GYPC: variants seen among roughly 807,000 people sequenced by gnomAD.
The protein encoded by GYPC is glycophorin-C.
GYPC carries 14 observed loss-of-function variants against 12.6 expected under a neutral mutation model. The observed-to-expected ratio is 1.11, with a 90% CI of 0.74 to 1.74. The LOEUF (loss-of-function observed/expected upper bound fraction) is 1.74. Ranked by LOEUF, GYPC falls within the 40% of genes most tolerant of loss-of-function variation. The probability of loss-of-function intolerance (pLI) is 0.00; values close to 1 mark genes in which losing one functional copy is unlikely to be tolerated. For synonymous variants in GYPC, 78 were observed against 62.1 expected, an observed-to-expected ratio of 1.26 and a Z score of -1.20; for missense variants, 225 against 172.1, an observed-to-expected ratio of 1.31 and a Z score of -1.72.
intron 1 of GYPC, among the ~76,000 whole-genome samples, chr2:126,663,013 C>T (rs938694069): frequency 6.6e-6 from 1 of 152,058 alleles, no homozygotes; most frequent in East Asian, 1.9e-4. Flanking sequence ...CTCTCGCTCC[C>T]GATGCTGCTC....
chr2:126,674,456 G>C (rs956369521), intron 1 of GYPC, among the ~76,000 whole-genome samples: 44 of 63,542 alleles, frequency 6.9e-4, no homozygotes, highest in South Asian at 3.7e-3. Flanking sequence ...GGAAACAAGT[G>C]GGGGGGGAAT....
intron 1 of GYPC, among the ~76,000 whole-genome samples, chr2:126,688,636 C>A (rs371591673): frequency 5.9e-5 from 9 of 152,126 alleles, no homozygotes; most frequent in Admixed American, 2.6e-4. Flanking sequence ...GGTCTCTTGG[C>A]GGCCTCAGTG....
At chr2:126,677,722 G>T (rs1378861362) in intron 1 of GYPC, among the ~76,000 whole-genome samples, 1 of 152,080 alleles carries the variant, frequency 6.6e-6, no homozygotes, top group African/African-American at 2.4e-5. Flanking sequence ...AGCACACGAG[G>T]GTCCGGGAGG....
chr2:126,688,636 C>T (rs371591673), intron 1 of GYPC, among the ~76,000 whole-genome samples: 3 of 152,244 alleles, frequency 2.0e-5, no homozygotes, highest in Admixed American at 6.5e-5. Flanking sequence ...GGTCTCTTGG[C>T]GGCCTCAGTG....
At position 126,696,020 on chromosome 2, in the gene GYPC, G is replaced by A. The variant is rs1189924513; in HGVS notation, c.265G>A (p.Gly89Ser). 6.2e-7 allele frequency: 1 copy of A among 1,614,088 alleles called. No homozygotes were observed. Among genetic ancestry groups the A allele is most frequent in the Admixed American group, 1.7e-5 (1 of 60,026 alleles). The change falls in exon 4 of 4, where the codon GGC (glycine) becomes AGC (serine). Residue 89 changes from glycine (G) to serine (S), a missense_variant. Coordinates refer to ENST00000259254, the MANE Select transcript of GYPC (RefSeq NM_002101.5). ...VMLRYMYRHK[G>S]TYHTNEAKGT... Reference sequence around the variant, plus strand: ...GCTGCGCTACATGTACCGGCACAAGGGCACGTACCACACCAATGAGGCCAA... The same window carrying A: ...GCTGCGCTACATGTACCGGCACAAGAGCACGTACCACACCAATGAGGCCAA...
intron 2 of GYPC, among the ~76,000 whole-genome samples, chr2:126,693,078 T>C (rs1390772261): frequency 6.6e-6 from 1 of 152,184 alleles, no homozygotes; most frequent in Non-Finnish European, 1.5e-5. Flanking sequence ...AAGCTCATGT[T>C]GAAATCTGAT....
intron 1 of GYPC, chr2:126,680,524 G>A (rs1246975007): frequency 6.6e-6 from 1 of 152,240 alleles, no homozygotes; most frequent in Non-Finnish European, 1.5e-5. Context: ...AACTCAGGGA[G>A]CTCGAGAAGC....
At chr2:126,665,934 C>G (rs934880178) in intron 1 of GYPC, among the ~76,000 whole-genome samples, 1 of 152,210 alleles carries the variant, frequency 6.6e-6, no homozygotes, top group Non-Finnish European at 1.5e-5. Context: ...TCCTCCAGCT[C>G]TGGGACTCTG....
At chr2:126,673,333 A>G (rs1438357726) in intron 1 of GYPC, among the ~76,000 whole-genome samples, 1 of 152,134 alleles carries the variant, frequency 6.6e-6, no homozygotes, top group Non-Finnish European at 1.5e-5. Context: ...GCTCATGCAC[A>G]CCAAAACACA....
chr2:126,675,776 T>G (rs1404032474), intron 1 of GYPC: 4 of 582,964 alleles, frequency 6.9e-6, no homozygotes, highest in East Asian at 1.4e-4. Context: ...ATTAGTGATA[T>G]TCACCGTAGT....
rs67904410 is a variant in GYPC, at chr2:126,666,708, TACACACACACACACACAC to T, written c.49+10428_49+10445del. Among the ~76,000 whole-genome samples the T allele has an allele frequency of 3.4e-3, 400 of 118,538 alleles. 4 individuals carry two copies. Among genetic ancestry groups the T allele is most frequent in the South Asian group, 9.0e-3 (27 of 3,006 alleles). 77.8% of individuals were successfully genotyped at this position (118,538 alleles called of 152,430 possible). On this transcript the variant is annotated intron_variant, in intron 1 of 3. Coordinates refer to ENST00000259254, the MANE Select transcript of GYPC (RefSeq NM_002101.5). Reference sequence around the variant, plus strand: ...CTCCTGCCCCCCTCCCCTCCCTCCCTACACACACACACACACACACACACACACACACACACACACACA... The same window carrying T: ...CTCCTGCCCCCCTCCCCTCCCTCCCTACACACACACACACACACACACACA...
intron 3 of GYPC, 63 bp from the exon 4 acceptor site, chr2:126,695,883 C>T: frequency 7.5e-7 from 1 of 1,336,152 alleles, no homozygotes; most frequent in East Asian, 2.3e-5. Context: ...TGGGTCTTGA[C>T]CACCATCCCA....
intron 2 of GYPC, among the ~76,000 whole-genome samples, chr2:126,692,165 G>A (rs118129566): frequency 9.9e-5 from 15 of 152,210 alleles, no homozygotes; most frequent in East Asian, 3.9e-4. Flanking sequence ...GAGAAACACC[G>A]TGAATGCTGG....
chr2:126,669,374 G>A (rs1293321480), intron 1 of GYPC, among the ~76,000 whole-genome samples: 1 of 152,152 alleles, frequency 6.6e-6, no homozygotes. Flanking sequence ...TCAGGGCTGT[G>A]ATTCAAGCCC....
intron 1 of GYPC, chr2:126,686,713 A>T (rs1418900226): frequency 2.0e-6 from 2 of 984,780 alleles, no homozygotes; most frequent in Admixed American, 6.2e-5. Flanking sequence ...AAAAAGTAGG[A>T]TGCTTGGGTC....
chr2:126,669,775 T>C (rs1383467265), intron 1 of GYPC, among the ~76,000 whole-genome samples: 1 of 152,108 alleles, frequency 6.6e-6, no homozygotes, highest in Non-Finnish European at 1.5e-5. Context: ...TGAGCTAGTG[T>C]TTCCCGCTCA....
chr2:126,682,541 G>T (rs1683178028), intron 1 of GYPC, among the ~76,000 whole-genome samples: 1 of 152,144 alleles, frequency 6.6e-6, no homozygotes. Flanking sequence ...CTCTCAGATG[G>T]TATCTCCCGC....
Position 126,696,223 on chromosome 2 carries a change from G to A in GYPC, c.*81G>A, listed in dbSNP as rs1683641403. The stretch of plus-strand genomic sequence containing the variant: ...CACCCCATCGCCCAGCACCCCTGCT[G>A]ATACCACCAGACAGAGAGAGAGAGC... On this transcript the variant is annotated 3_prime_UTR_variant, in exon 4 of 4. Transcript: ENST00000259254. 1 of 974,754 alleles carries A rather than the reference G, an allele frequency of 1.0e-6. No individual in the cohort carries two copies. Among genetic ancestry groups the A allele is most frequent in the Non-Finnish European group, 1.6e-6 (1 of 617,702 alleles). 60.4% of individuals were successfully genotyped at this position (974,754 alleles called of 1,614,324 possible). A position where few individuals can be genotyped will look rare whatever the true frequency, so the allele number is the denominator to read the frequency against.
chr2:126,689,728 G>A (rs1170676191), intron 1 of GYPC, among the ~76,000 whole-genome samples: 1 of 152,108 alleles, frequency 6.6e-6, no homozygotes, highest in South Asian at 2.1e-4. Context: ...CCATGAGTGG[G>A]AGCAGTATGA....
Sources: gnomAD v4.1 joint callset for allele counts (sites outside exome capture counted in the v4.1 genomes callset) on GRCh38, gnomAD v4.1.1 for gene constraint, MANE v1.5 for transcripts, NCBI Gene and HGNC (gene_info 2026-07-23, HGNC 2026-07-21) for gene names.